Variants in CDCP2 observed in about 807,000 individuals in gnomAD.
The protein encoded by CDCP2 is CUB domain-containing protein 2.
CDCP2 carries 31 observed loss-of-function variants against 31.0 expected under a neutral mutation model. That is an observed-to-expected ratio of 1.00 (90% CI 0.75 to 1.35). The LOEUF (loss-of-function observed/expected upper bound fraction) is 1.35, where lower values mean the gene tolerates loss of function less well. CDCP2 is among the 40% of genes most tolerant of loss of function. The pLI, the probability that CDCP2 is intolerant of heterozygous loss-of-function variation, is 0.00. For synonymous variants in CDCP2, 206 were observed against 207.9 expected (o/e 0.99, Z 0.08); for missense variants, 443 against 482.6 (o/e 0.92, Z 0.77).
chr1:54,151,518 C>T (rs1285513755), intron 1 of CDCP2, among the ~76,000 whole-genome samples: 1 of 152,150 alleles, frequency 6.6e-6, no homozygotes, highest in East Asian at 1.9e-4. Context: ...TCCACTAGGA[C>T]CCAGCCAGGC....
chr1:54,140,880 A>T (rs1397613604), intron 3 of CDCP2: 2 of 437,730 alleles, frequency 4.6e-6, no homozygotes, highest in Non-Finnish European at 8.1e-6. Flanking sequence ...TAAGGAGTTG[A>T]AAAAAGGATT....
chr1:54,146,913 TA>T (rs913455778), intron 1 of CDCP2, among the ~76,000 whole-genome samples: 2 of 150,998 alleles, frequency 1.3e-5, no homozygotes, highest in Non-Finnish European at 2.9e-5. Context: ...CTGTCTCTAC[TA>T]AAAATACAAA....
intron 5 of CDCP2, among the ~76,000 whole-genome samples, chr1:54,133,909 C>A (rs114950695): frequency 1.4e-3 from 14 of 9,904 alleles, no homozygotes; most frequent in East Asian, 0.012. Context: ...AACAAACAAA[C>A]AAACAAAAAA....
At chr1:54,133,701 C>A (rs1659207798) in intron 5 of CDCP2, among the ~76,000 whole-genome samples, 1 of 152,116 alleles carries the variant, frequency 6.6e-6, no homozygotes, top group Admixed American at 6.5e-5. Flanking sequence ...TCGAGACCAT[C>A]CTGACTAACA....
At chr1:54,136,544 G>C in intron 5 of CDCP2, 86 bp downstream of exon 5, 1 of 398,778 alleles carries the variant, frequency 2.5e-6, no homozygotes. Context: ...CCAGAGCCAG[G>C]AGAAGCTGAA....
chr1:54,139,459 C>T (rs781555129), intron 4 of CDCP2: 1 of 1,367,692 alleles, frequency 7.3e-7, no homozygotes, highest in African/African-American at 1.5e-5. Context: ...AATAACAACA[C>T]AAGAGGGGCC....
exon 3 of CDCP2, chr1:54,141,377 G>A (rs1203596825): frequency 1.9e-6 from 3 of 1,613,898 alleles, no homozygotes; most frequent in Non-Finnish European, 1.7e-6. Flanking sequence ...TAGTTGTTGG[G>A]ATACTCAGGA....
In CDCP2 at chr1:54,144,465, C is replaced by T. The variant is rs749502105; in HGVS notation, c.427+1G>A. ...ACAGGTCCCTAAGGCCCCCCGTTGA[C>T]CTTTCTGGTAGCCCGCAGAAAAGCC... On this transcript the variant is annotated splice_donor_variant, in intron 2 of 5. Coordinates refer to ENST00000530059, the Ensembl canonical transcript of CDCP2. LOFTEE classifies it high-confidence loss of function. 7.0e-5 allele frequency: 109 copies of T among 1,567,692 alleles called. No homozygotes were observed. Among genetic ancestry groups the T allele is most frequent in the Non-Finnish European group, 8.8e-5 (102 of 1,154,286 alleles).
chr1:54,134,341 C>A (rs188949106), intron 5 of CDCP2, among the ~76,000 whole-genome samples: 26 of 152,304 alleles, frequency 1.7e-4, no homozygotes, highest in African/African-American at 6.0e-4. Context: ...GAAGAGCCAT[C>A]GAGGAACAAG....
At chr1:54,136,935 C>T (rs964885062) in intron 4 of CDCP2, 127 bp from the exon 5 acceptor site, 5 of 397,654 alleles carry the variant, frequency 1.3e-5, no homozygotes, top group African/African-American at 1.0e-4. Context: ...AGGAAAAGCT[C>T]TTACGGAATC....
At position 54,147,987 on chromosome 1, in the gene CDCP2, G is replaced by A. The variant is rs56841503; in HGVS notation, c.80-3174C>T. Among the ~76,000 whole-genome samples, 979 of 151,056 alleles carry A rather than the reference G, an allele frequency of 6.5e-3. 34 individuals are homozygous for A. The highest frequency in any genetic ancestry group is 0.023 in the African/African-American group (939 of 40,788). On this transcript the variant is annotated intron_variant, in intron 1 of 5. Coordinates refer to ENST00000530059, the Ensembl canonical transcript of CDCP2. ...TGGTGGAACCACTGCACTCCAGCCT[G>A]GGCAACAGAGAAAGACCCTGTCTCA...
chr1:54,141,517 G>T (rs111400981), intron 2 of CDCP2, 84 bp from the exon 3 acceptor site: 3 of 1,201,068 alleles, frequency 2.5e-6, no homozygotes, highest in African/African-American at 1.5e-5. Flanking sequence ...ACTCCAACAT[G>T]CTGCCCCCAC....
chr1:54,133,293 C>G (rs562435928), exon 6 of CDCP2: 7 of 399,014 alleles, frequency 1.8e-5, no homozygotes, highest in African/African-American at 1.4e-4. Flanking sequence ...GTTGTTTCTT[C>G]TCTGTGGGGT....
chr1:54,139,688 C>A (rs1396554484), intron 4 of CDCP2, 65 bp downstream of exon 4: 1 of 1,613,980 alleles, frequency 6.2e-7, no homozygotes, highest in Non-Finnish European at 8.5e-7. Context: ...AAGGAGACTG[C>A]AAAGACTGAG....
At chr1:54,151,607 C>G (rs1161791672) in intron 1 of CDCP2, among the ~76,000 whole-genome samples, 2 of 152,180 alleles carry the variant, frequency 1.3e-5, no homozygotes, top group Admixed American at 6.5e-5. Context: ...CCTCCCACCA[C>G]CCAGGCATGG....
intron 5 of CDCP2, among the ~76,000 whole-genome samples, chr1:54,135,060 C>T (rs1659236724): frequency 2.0e-5 from 3 of 152,064 alleles, no homozygotes; most frequent in South Asian, 2.1e-4. Flanking sequence ...AGAACTTGTG[C>T]CCTGGATTTT....
chr1:54,144,228 T>A (rs545657298), intron 2 of CDCP2: 1 of 479,556 alleles, frequency 2.1e-6, no homozygotes, highest in Admixed American at 3.8e-5. Context: ...TTATAAACTA[T>A]GCATGAGAGC....
At chr1:54,135,988 G>C (rs1043859654) in intron 5 of CDCP2, among the ~76,000 whole-genome samples, 8 of 152,150 alleles carry the variant, frequency 5.3e-5, no homozygotes, top group Non-Finnish European at 1.2e-4. Flanking sequence ...CAGGGTGCTT[G>C]AGCCACTGCC....
rs140479841 is a variant in CDCP2, at chr1:54,142,190, G to A, written c.428-757C>T. ...GCACTTGACCCTTGTGACCTTCACT[G>A]TCCACTCCTACGAGGCCAGTGGGGC... is the stretch of plus-strand genomic sequence containing the variant. On this transcript the variant is annotated intron_variant, in intron 2 of 5. Coordinates refer to ENST00000530059, the Ensembl canonical transcript of CDCP2. 2.0e-4 allele frequency: 30 copies of A among 152,384 alleles called. 1 individual carries two copies. The highest frequency in any genetic ancestry group is 7.2e-4 in the African/African-American group (30 of 41,580). 9.4% of individuals were successfully genotyped at this position (152,384 alleles called of 1,614,324 possible). A position where few individuals can be genotyped will look rare whatever the true frequency, so the allele number is the denominator to read the frequency against.
Sources: gnomAD v4.1 joint callset for allele counts (sites outside exome capture counted in the v4.1 genomes callset) on GRCh38, gnomAD v4.1.1 for gene constraint, MANE v1.5 for transcripts, NCBI Gene and HGNC (gene_info 2026-07-23, HGNC 2026-07-21) for gene names.